Variants in AGAP1 observed in about 807,000 individuals in gnomAD.
The protein encoded by AGAP1 is arf-GAP with GTPase, ANK repeat and PH domain-containing protein 1.
Under a neutral mutation model 105.3 loss-of-function variants are expected in AGAP1, and 29 were observed. The ratio of observed to expected loss-of-function variants is 0.28; its 90% CI spans 0.21 to 0.38. The LOEUF (loss-of-function observed/expected upper bound fraction) is 0.38. Ranked by LOEUF, AGAP1 falls within the 10% of genes least tolerant of loss-of-function variation. The pLI is 1.00. For synonymous variants in AGAP1, 509 were observed against 485.9 expected (o/e 1.05, Z -0.63); for missense variants, 998 against 1,165.1 (o/e 0.86, Z 2.09).
chr2:235,634,783 C>T (rs1946938814), intron 1 of AGAP1, among the ~76,000 whole-genome samples: 1 of 151,994 alleles, frequency 6.6e-6, no homozygotes, highest in Non-Finnish European at 1.5e-5. Flanking sequence ...AAAATAAAAC[C>T]ATCTTTTCAA....
rs575948540 is a variant in AGAP1, at chr2:235,879,794, T to C, written c.1051-3551T>C. On this transcript the variant is annotated intron_variant, in intron 9 of 17. Coordinates refer to ENST00000304032, the MANE Select transcript of AGAP1 (RefSeq NM_001037131.3). The surrounding 1 kb of genome is among the most constrained non-coding windows in gnomAD (Gnocchi z 5.0). ...AATAAAATAAAAAATTAGACAGACA[T>C]GGTGGCATGTGTGTGTAGTCCTAGC... 6.6e-6 allele frequency among the ~76,000 whole-genome samples: 1 copy of C among 152,152 alleles called. No homozygotes were observed. The highest frequency in any genetic ancestry group is 2.4e-5 in the African/African-American group (1 of 41,494).
intron 5 of AGAP1, among the ~76,000 whole-genome samples, chr2:235,749,187 G>A (rs913618348): frequency 6.7e-6 from 1 of 149,214 alleles, no homozygotes; most frequent in South Asian, 2.2e-4. Context: ...CAGCCTGGGC[G>A]ACACAGTGAG....
At chr2:235,869,447 AAAAATT>A (rs1332008175) in intron 9 of AGAP1, among the ~76,000 whole-genome samples, 215 of 145,352 alleles carry the variant, frequency 1.5e-3, no homozygotes, top group African/African-American at 5.8e-3. Context: ...AAAAAAAAAA[AAAAATT>A]AGCCGGGCGT....
Position 235,569,650 on chromosome 2 carries a change from G to A in AGAP1, c.163+74801G>A, listed in dbSNP as rs1944456306. Among the ~76,000 whole-genome samples the A allele has an allele frequency of 6.6e-6, 1 of 152,214 alleles. No individual in the cohort carries two copies. Among genetic ancestry groups the A allele is most frequent in the East Asian group, 1.9e-4 (1 of 5,186 alleles). ...TGGAGGGGCTGTGCCCAGGTAGGGT[G>A]TGTTCACTGTGCCCCTGTGTGAGGG... On this transcript the variant is annotated intron_variant, in intron 1 of 17. Transcript: ENST00000304032. The surrounding 1 kb of genome is among the most constrained non-coding windows in gnomAD (Gnocchi z 5.9).
chr2:235,880,058 T>A (rs77466117), intron 9 of AGAP1, among the ~76,000 whole-genome samples: 1,610 of 149,650 alleles, frequency 0.011, 26 homozygotes, highest in African/African-American at 0.037. Context: ...CACAAGGAGC[T>A]ATGATAGCAT....
chr2:235,925,719 T>C (rs1476097006), intron 11 of AGAP1, among the ~76,000 whole-genome samples: 1 of 152,128 alleles, frequency 6.6e-6, no homozygotes, highest in Non-Finnish European at 1.5e-5. Context: ...TGGGTTTAGG[T>C]CCCCTGCCCT....
chr2:235,502,692 T>C (rs1941613571), intron 1 of AGAP1, among the ~76,000 whole-genome samples: 1 of 149,558 alleles, frequency 6.7e-6, no homozygotes, highest in South Asian at 2.1e-4. Context: ...TAGAAGCTTT[T>C]TATTTGCCTT....
Position 236,045,794 on chromosome 2 carries a change from A to C in AGAP1, c.1892-3265A>C. 1 of 385,140 alleles carries C rather than the reference A, an allele frequency of 2.6e-6. No homozygotes were observed. Among genetic ancestry groups the C allele is most frequent in the South Asian group, 1.9e-5 (1 of 52,284 alleles). The allele number at this position is 385,140 out of a possible 1,614,324, so 23.9% of individuals were successfully genotyped here. A position where few individuals can be genotyped will look rare whatever the true frequency, so the allele number is the denominator to read the frequency against. On this transcript the variant is annotated intron_variant, in intron 15 of 17. Coordinates refer to ENST00000304032, the MANE Select transcript of AGAP1 (RefSeq NM_001037131.3). The surrounding 1 kb of genome is among the most constrained non-coding windows in gnomAD (Gnocchi z 6.9). ...TTGCAGTGGTGATGCTTAGATACCA[A>C]CCCTTGCCGATGAGTCATTCTCTGC...
intron 12 of AGAP1, among the ~76,000 whole-genome samples, chr2:235,949,226 G>A (rs1383396220): frequency 2.0e-5 from 3 of 152,064 alleles, no homozygotes. Flanking sequence ...AATCCGAAGG[G>A]CTCCATTGAG....
chr2:235,507,058 C>T (rs1313881589), intron 1 of AGAP1: 1 of 153,188 alleles, frequency 6.5e-6, no homozygotes, highest in Admixed American at 6.5e-5. Context: ...CTTAGGACCT[C>T]CTGCCGTTTC....
rs544403584 is a variant in AGAP1, at chr2:235,610,225, C to A, written c.164-98954C>A. Among the ~76,000 whole-genome samples the A allele has an allele frequency of 9.9e-5, 15 of 152,234 alleles. No homozygotes were observed. Among genetic ancestry groups the A allele is most frequent in the African/African-American group, 3.6e-4 (15 of 41,544 alleles). On this transcript the variant is annotated intron_variant, in intron 1 of 17. Transcript: ENST00000304032. The surrounding 1 kb of genome is among the most constrained non-coding windows in gnomAD (Gnocchi z 4.9). ...CCTGTGTGCCTGCTTGAGTCTGCAC[C>A]GAACATGGCTCTAGCTTCTTCGTTG... is the stretch of plus-strand genomic sequence containing the variant.
intron 16 of AGAP1, among the ~76,000 whole-genome samples, chr2:236,106,929 A>G (rs990837162): frequency 1.3e-5 from 2 of 151,148 alleles, no homozygotes; most frequent in South Asian, 2.1e-4. Flanking sequence ...GCCCTGGCCT[A>G]TGGTGCATTT....
Position 235,713,240 on chromosome 2 carries a change from C to T in AGAP1, c.222+4003C>T, listed in dbSNP as rs145344192. ...GGCATACTGTTTTGGATTTTCCCAG[C>T]ATGAAGCTGACATGAAGCGGGTGCC... On this transcript the variant is annotated intron_variant, in intron 2 of 17. Transcript: ENST00000304032. Among the ~76,000 whole-genome samples, 599 of 152,310 alleles carry T rather than the reference C, an allele frequency of 3.9e-3. 6 individuals carry two copies. Among genetic ancestry groups the T allele is most frequent in the African/African-American group, 0.014 (571 of 41,558 alleles).
At chr2:235,704,493 A>G (rs1950423115) in intron 1 of AGAP1, among the ~76,000 whole-genome samples, 1 of 152,160 alleles carries the variant, frequency 6.6e-6, no homozygotes, top group Admixed American at 6.5e-5. Flanking sequence ...TAAAAATACA[A>G]AAATTACCCA....
chr2:235,668,408 A>T (rs1044191658), intron 1 of AGAP1, among the ~76,000 whole-genome samples: 2 of 152,168 alleles, frequency 1.3e-5, no homozygotes, highest in African/African-American at 4.8e-5. Context: ...GGCACCTGAC[A>T]ATCCCTGCCT....
At position 235,967,366 on chromosome 2, in the gene AGAP1, C is replaced by T. The variant is rs1258307266; in HGVS notation, c.1484-1096C>T. On this transcript the variant is annotated intron_variant, in intron 12 of 17. Transcript: ENST00000304032. This position sits in a 1 kb window ranked among gnomAD's most constrained non-coding sequence, Gnocchi z 4.7. ...TCTCCCCAGCCTCCCAGCCTTGATG[C>T]CCCGCGTTCCTATTCGGTCTTTCCC... 6.6e-6 allele frequency among the ~76,000 whole-genome samples: 1 copy of T among 152,206 alleles called. No individual in the cohort carries two copies. The highest frequency in any genetic ancestry group is 2.4e-5 in the African/African-American group (1 of 41,456).
intron 16 of AGAP1, among the ~76,000 whole-genome samples, chr2:236,097,192 A>G (rs2059211530): frequency 1.3e-5 from 2 of 152,072 alleles, no homozygotes; most frequent in Non-Finnish European, 1.5e-5. Flanking sequence ...ATTATGATCC[A>G]AACCCATGAT....
At chr2:235,811,800 T>C (rs1303338065) in intron 9 of AGAP1, among the ~76,000 whole-genome samples, 1 of 152,228 alleles carries the variant, frequency 6.6e-6, no homozygotes, top group Non-Finnish European at 1.5e-5. Flanking sequence ...ATTTAAGTGC[T>C]AGCAGGACTC....
At chr2:236,032,025 T>C (rs2057239859) in intron 13 of AGAP1, among the ~76,000 whole-genome samples, 1 of 152,206 alleles carries the variant, frequency 6.6e-6, no homozygotes, top group South Asian at 2.1e-4. Context: ...AAACCTCACC[T>C]GCTGTTGGGG....
Sources: gnomAD v4.1 joint callset for allele counts (sites outside exome capture counted in the v4.1 genomes callset) on GRCh38, gnomAD v4.1.1 for gene constraint, Gnocchi (gnomAD v3.1) non-coding constraint, MANE v1.5 for transcripts, NCBI Gene and HGNC (gene_info 2026-07-23, HGNC 2026-07-21) for gene names.